The following PARD3 variants were observed in gnomAD, a reference collection of about 807,000 sequenced individuals.
PARD3 encodes the protein par-3 family cell polarity regulator, also known as partitioning defective 3 homolog.
A neutral mutation model predicts 155.4 loss-of-function variants in PARD3; 75 were observed. The observed-to-expected ratio is 0.48, with a 90% CI of 0.40 to 0.58. The LOEUF (loss-of-function observed/expected upper bound fraction) is 0.58. PARD3 is among the 20% of genes least tolerant of loss of function. PARD3 has a pLI of 0.00. For synonymous variants in PARD3, 576 were observed against 610.5 expected (o/e 0.94, Z 0.83); for missense variants, 1,642 against 1,721.7 (o/e 0.95, Z 0.82).
intron 20 of PARD3, among the ~76,000 whole-genome samples, chr10:34,290,023 T>G (rs959761944): frequency 2.0e-5 from 3 of 152,202 alleles, no homozygotes; most frequent in Admixed American, 6.5e-5. Context: ...AAACCATCAT[T>G]TGGGTTTTCA....
intron 2 of PARD3, among the ~76,000 whole-genome samples, chr10:34,640,542 T>C (rs1256099895): frequency 6.6e-6 from 1 of 151,216 alleles, no homozygotes; most frequent in Non-Finnish European, 1.5e-5. Flanking sequence ...AAACCCTCTC[T>C]ATACTAAAAA....
Position 34,184,515 on chromosome 10 carries a change from A to T in PARD3, c.3420-52932T>A, listed in dbSNP as rs642099. Among the ~76,000 whole-genome samples the T allele has an allele frequency of 1.3e-3, 191 of 151,948 alleles. 1 individual carries two copies. The highest frequency in any genetic ancestry group is 2.5e-3 in the Non-Finnish European group (167 of 67,978). On this transcript the variant is annotated intron_variant, in intron 22 of 24. Transcript: ENST00000374788. The stretch of plus-strand genomic sequence containing the variant: ...GTAGATCCACAAGCCGGGGGGTATT[A>T]TATAAATGCAAATTATTAGCATTAT...
Position 34,374,956 on chromosome 10 carries a change from G to A in PARD3, c.1586C>T (p.Ser529Leu), listed in dbSNP as rs1186195419. 3 of 1,613,576 alleles carry A rather than the reference G, an allele frequency of 1.9e-6. No individual in the cohort carries two copies. The highest frequency in any genetic ancestry group is 1.3e-5 in the African/African-American group (1 of 74,916). Residue 529 changes from serine (S) to leucine (L), a missense_variant, in exon 11 of 25, where the codon TCG (serine) becomes TTG (leucine). By Grantham distance (145) the Ser-to-Leu change is moderately radical. Coordinates refer to ENST00000374788, the MANE Select transcript of PARD3 (RefSeq NM_001184785.2). ...LVGKSQEEVVSLLRSTKMEGT... is the reference protein window; with the variant it reads ...LVGKSQEEVVLLLRSTKMEGT... ...TTCCATCTTGGTGCTTCTCAACAGC[G>A]AAACAACTTCCTCTTGGGATTTGCC...
At chr10:34,541,722 A>C (rs2083623668) in intron 2 of PARD3, among the ~76,000 whole-genome samples, 1 of 152,218 alleles carries the variant, frequency 6.6e-6, no homozygotes, top group Non-Finnish European at 1.5e-5. Flanking sequence ...TTTATTTAAC[A>C]ACTTTCATTA....
At chr10:34,244,901 T>C (rs1953845132) in intron 22 of PARD3, among the ~76,000 whole-genome samples, 1 of 152,150 alleles carries the variant, frequency 6.6e-6, no homozygotes, top group African/African-American at 2.4e-5. Context: ...TAAGATAAGT[T>C]CTTATTTCCT....
chr10:34,269,617 C>CCACG, intron 22 of PARD3, 40 bp downstream of exon 22: 1 of 1,603,726 alleles, frequency 6.2e-7, no homozygotes, highest in Admixed American at 1.7e-5. Flanking sequence ...TGTATAAAAG[C>CCACG]TGATTTGGAA....
intron 2 of PARD3, among the ~76,000 whole-genome samples, chr10:34,613,190 T>C (rs528361781): frequency 6.6e-6 from 1 of 152,316 alleles, no homozygotes; most frequent in Admixed American, 6.5e-5. Context: ...CTTTGCACTT[T>C]TATAAAAATA....
chr10:34,644,141 A>G (rs1417253342), intron 2 of PARD3, among the ~76,000 whole-genome samples: 1 of 152,212 alleles, frequency 6.6e-6, no homozygotes, highest in African/African-American at 2.4e-5. Context: ...GAGACTAGAA[A>G]CAAAATTCAA....
rs79160385 is a variant in PARD3 at position 34,610,247 on chromosome 10, A to G, written c.222+86071T>C. 8.2e-3 allele frequency among the ~76,000 whole-genome samples: 1,242 copies of G among 152,310 alleles called. 16 individuals carry two copies. The highest frequency in any genetic ancestry group is 0.028 in the African/African-American group (1,180 of 41,574). On this transcript the variant is annotated intron_variant, in intron 2 of 24. Coordinates refer to ENST00000374788, the MANE Select transcript of PARD3 (RefSeq NM_001184785.2). ...CTCCTGAAGTTCCAATCAATAATCC[A>G]GGTACCTAGCAAACCATCCAGGGAA...
chr10:34,463,911 A>T (rs1194988870), intron 4 of PARD3, among the ~76,000 whole-genome samples: 1 of 152,192 alleles, frequency 6.6e-6, no homozygotes, highest in Non-Finnish European at 1.5e-5. Flanking sequence ...GAAGAACAGG[A>T]TATACCATGT....
At chr10:34,210,291 T>C (rs982446817) in intron 22 of PARD3, among the ~76,000 whole-genome samples, 2 of 152,286 alleles carry the variant, frequency 1.3e-5, no homozygotes, top group African/African-American at 4.8e-5. Context: ...ATGAGGAATA[T>C]TTGAGTTTTC....
intron 2 of PARD3, among the ~76,000 whole-genome samples, chr10:34,603,595 C>T (rs901465896): frequency 1.3e-5 from 2 of 152,072 alleles, no homozygotes; most frequent in African/African-American, 4.8e-5. Context: ...CAGACTAGAA[C>T]CTTGATTAGG....
intron 2 of PARD3, among the ~76,000 whole-genome samples, chr10:34,688,425 G>A (rs866201458): frequency 3.3e-5 from 5 of 152,142 alleles, no homozygotes; most frequent in South Asian, 2.1e-4. Flanking sequence ...GTACACAAAC[G>A]CATGACAGCT....
chr10:34,238,981 G>GT (rs1165703474), intron 22 of PARD3, among the ~76,000 whole-genome samples: 18 of 152,142 alleles, frequency 1.2e-4, no homozygotes, highest in African/African-American at 3.9e-4. Context: ...CATGCCACCA[G>GT]TTTAAGAGCA....
At chr10:34,455,215 T>A (rs773939) in intron 4 of PARD3, among the ~76,000 whole-genome samples, 9,717 of 152,268 alleles carry the variant, frequency 0.064, 407 homozygotes, top group African/African-American at 0.12. Context: ...TCATTTTTTT[T>A]AAGAATTATG....
chr10:34,138,892 T>TA lies in PARD3; in HGVS notation c.3420-7310dup, dbSNP rs559786540. Among the ~76,000 whole-genome samples the TA allele has an allele frequency of 6.3e-3, 913 of 145,782 alleles. 4 individuals are homozygous for TA. Among genetic ancestry groups the TA allele is most frequent in the African/African-American group, 0.021 (836 of 39,528 alleles). On this transcript the variant is annotated intron_variant, in intron 22 of 24. Coordinates refer to ENST00000374788, the MANE Select transcript of PARD3 (RefSeq NM_001184785.2). ...AAAGGAACATTATTCTTTTCCCAAT[T>TA]AAAAAAAAATTCAAAAAGTTAATTT...
chr10:34,446,871 G>A (rs1282977617), intron 5 of PARD3, among the ~76,000 whole-genome samples: 5 of 152,114 alleles, frequency 3.3e-5, no homozygotes, highest in Non-Finnish European at 1.5e-5. Flanking sequence ...CATAGGCTGA[G>A]ATGAAATATG....
chr10:34,122,857 G>A (rs1283528962), intron 23 of PARD3, among the ~76,000 whole-genome samples: 1 of 152,160 alleles, frequency 6.6e-6, no homozygotes, highest in Non-Finnish European at 1.5e-5. Context: ...ACACACTGTG[G>A]CTTCAATCCC....
At chr10:34,172,676 T>C (rs1363693074) in intron 22 of PARD3, among the ~76,000 whole-genome samples, 1 of 151,510 alleles carries the variant, frequency 6.6e-6, no homozygotes, top group Non-Finnish European at 1.5e-5. Flanking sequence ...AGTCAGTTTA[T>C]GCTCTGTTAC....
Sources: gnomAD v4.1 joint callset for allele counts (sites outside exome capture counted in the v4.1 genomes callset) on GRCh38, gnomAD v4.1.1 for gene constraint, MANE v1.5 for transcripts, NCBI Gene and HGNC (gene_info 2026-07-23, HGNC 2026-07-21) for gene names.